The following HNRNPA2B1 variants were observed in gnomAD, a reference collection of about 807,000 sequenced individuals.
The protein encoded by HNRNPA2B1 is heterogeneous nuclear ribonucleoprotein A2/B1.
A neutral mutation model predicts 46.3 loss-of-function variants in HNRNPA2B1; 3 were observed. The ratio of observed to expected loss-of-function variants is 0.06; its 90% CI spans 0.03 to 0.17. The LOEUF (loss-of-function observed/expected upper bound fraction) is 0.17, where lower values mean the gene tolerates loss of function less well. Ranked by LOEUF, HNRNPA2B1 falls within the 10% of genes least tolerant of loss-of-function variation. The probability of loss-of-function intolerance (pLI) is 1.00; values close to 1 mark genes in which losing one functional copy is unlikely to be tolerated. For missense variants in HNRNPA2B1, 221 were observed against 418.9 expected (o/e 0.53, Z 4.12); for synonymous variants, 225 against 133.8 (o/e 1.68, Z -4.70).
intron 9 of HNRNPA2B1, among the ~76,000 whole-genome samples, chr7:26,192,822 T>G (rs778813900): frequency 3.3e-5 from 5 of 152,192 alleles, no homozygotes; most frequent in Non-Finnish European, 7.3e-5. Flanking sequence ...TCATTTGGAC[T>G]GAGTAAGGGA....
intron 8 of HNRNPA2B1, 22 bp from the exon 9 acceptor site, chr7:26,193,395 C>T (rs1292227665): frequency 6.2e-7 from 1 of 1,604,716 alleles, no homozygotes; most frequent in Non-Finnish European, 8.5e-7. Flanking sequence ...TTGGAATACT[C>T]AGAACAATAC....
rs371831513 is a variant in HNRNPA2B1, at chr7:26,195,922, A to G, written c.659-13T>C. Reference sequence around the variant, plus strand: ...CTGCCATATCCATCTGTTAGGGGCCAAAAAAAGATTACGTTTACTATAAAC... The same window carrying G: ...CTGCCATATCCATCTGTTAGGGGCCGAAAAAAGATTACGTTTACTATAAAC... On this transcript the variant is annotated splice_polypyrimidine_tract_variant and intron_variant, in intron 6 of 10. Coordinates refer to ENST00000618183, the MANE Select transcript of HNRNPA2B1 (RefSeq NM_002137.4). 4 of 1,593,450 alleles carry G rather than the reference A, an allele frequency of 2.5e-6. No homozygotes were observed. Among genetic ancestry groups the G allele is most frequent in the South Asian group, 2.3e-5 (2 of 87,532 alleles).
At position 26,190,221 on chromosome 7, in the gene HNRNPA2B1, ATC is replaced by A. The variant is rs1427658098; in HGVS notation, c.*2137_*2138del. On this transcript the variant is annotated 3_prime_UTR_variant, in exon 11 of 11. Transcript: ENST00000618183. ...ACCTAATTTAAAACATGATACATTT[ATC>A]TCTCTAGCCAATTTGATGTTACTGT... is the stretch of plus-strand genomic sequence containing the variant. 1 of 152,636 alleles carries A rather than the reference ATC, an allele frequency of 6.6e-6. No homozygotes were observed. 9.5% of individuals were successfully genotyped at this position (152,636 alleles called of 1,614,324 possible). A position where few individuals can be genotyped will look rare whatever the true frequency, so the allele number is the denominator to read the frequency against.
chr7:26,198,133 C>T, intron 1 of HNRNPA2B1: 1 of 322,388 alleles, frequency 3.1e-6, no homozygotes, highest in Non-Finnish European at 5.5e-6. Context: ...CCTAAAAACG[C>T]AAATTTCTAT....
chr7:26,193,163 CTA>C, intron 9 of HNRNPA2B1, 86 bp downstream of exon 9: 3 of 1,324,268 alleles, frequency 2.3e-6, no homozygotes, highest in Non-Finnish European at 3.2e-6. Context: ...ACAGTACAAA[CTA>C]CTTAGTATGT....
intron 2 of HNRNPA2B1, 72 bp from the exon 3 acceptor site, chr7:26,197,533 T>C (rs1301112861): frequency 1.9e-6 from 3 of 1,572,130 alleles, no homozygotes; most frequent in South Asian, 2.2e-5. Flanking sequence ...AATAGAATTT[T>C]TTACTATGCT....
rs1454741686 is a variant in HNRNPA2B1, at chr7:26,197,374, C to A, written c.205G>T (p.Ala69Ser). Residue 69 changes from alanine to serine, a missense_variant, in exon 3 of 11, where the codon GCA becomes TCA. Ala to Ser is a moderately conservative substitution (Grantham distance 99). Around this residue, in one of 2 missense-constraint regions of HNRNPA2B1, gnomAD observed 78 missense variants for 218.5 expected, o/e 0.36. Coordinates refer to ENST00000618183, the MANE Select transcript of HNRNPA2B1 (RefSeq NM_002137.4). ...SMAEVDAAMA[A>S]RPHSIDGRVV... ...CTCCCATCAATTGAATGAGGTCTTG[C>A]AGCCATGGCAGCATCAACCTCAGCC... The A allele has an allele frequency of 6.2e-7, 1 of 1,614,032 alleles. No individual in the cohort carries two copies. Among genetic ancestry groups the A allele is most frequent in the Non-Finnish European group, 8.5e-7 (1 of 1,179,936 alleles).
At chr7:26,200,078 C>T (rs1784213378) in intron 1 of HNRNPA2B1, 1 of 172,268 alleles carries the variant, frequency 5.8e-6, no homozygotes, top group Non-Finnish European at 1.3e-5. Flanking sequence ...AGAGAAAGCA[C>T]ACTAAGAAAA....
chr7:26,197,519 T>A (rs1485065286), intron 2 of HNRNPA2B1, 58 bp from the exon 3 acceptor site: 1 of 1,588,080 alleles, frequency 6.3e-7, no homozygotes, highest in African/African-American at 1.4e-5. Context: ...ATAAGTGAAG[T>A]CATAATAGAA....
In HNRNPA2B1 at chr7:26,197,474, AG is replaced by A; in HGVS notation, c.118-14del. 6.2e-7 allele frequency: 1 copy of A among 1,611,948 alleles called. No homozygotes were observed. The highest frequency in any genetic ancestry group is 2.2e-5 in the East Asian group (1 of 44,872). ...GATCCCTCATTACCTTTCAAACCAA[AG>A]GGTAAACTTTAGCATTTAATCTCAT... On this transcript the variant is annotated splice_polypyrimidine_tract_variant and intron_variant, in intron 2 of 10. Coordinates refer to ENST00000618183, the MANE Select transcript of HNRNPA2B1 (RefSeq NM_002137.4).
chr7:26,192,653 C>T (rs1783031892), intron 9 of HNRNPA2B1, 76 bp from the exon 10 acceptor site: 2 of 1,167,730 alleles, frequency 1.7e-6, no homozygotes, highest in East Asian at 4.7e-5. Context: ...ACAGTTGATT[C>T]TATTTTATAT....
chr7:26,199,299 G>C (rs1784065411), intron 1 of HNRNPA2B1: 2 of 152,632 alleles, frequency 1.3e-5, no homozygotes, highest in African/African-American at 2.4e-5. Context: ...CTTCGCTTGA[G>C]ACCTTATGCT....
At chr7:26,199,574 C>G (rs1424892842) in intron 1 of HNRNPA2B1, 2 of 152,170 alleles carry the variant, frequency 1.3e-5, no homozygotes, top group Non-Finnish European at 2.9e-5. Context: ...TGAGTCAGCT[C>G]TACAACTTAA....
At chr7:26,194,958 G>T (rs1223849531) in intron 7 of HNRNPA2B1, among the ~76,000 whole-genome samples, 1 of 151,642 alleles carries the variant, frequency 6.6e-6, no homozygotes, top group East Asian at 1.9e-4. Context: ...GCTGGGCGTG[G>T]TGGTGCACGC....
Position 26,190,204 on chromosome 7 carries a change from T to G in HNRNPA2B1, c.*2156A>C, listed in dbSNP as rs1400536081. ...ATCTGTCTACTCACAAAACCTAATTTAAAACATGATACATTTATCTCTCTA... is the reference window on the plus strand; with the variant it reads ...ATCTGTCTACTCACAAAACCTAATTGAAAACATGATACATTTATCTCTCTA... On this transcript the variant is annotated 3_prime_UTR_variant, in exon 11 of 11. Coordinates refer to ENST00000618183, the MANE Select transcript of HNRNPA2B1 (RefSeq NM_002137.4). 1 of 152,640 alleles carries G rather than the reference T, an allele frequency of 6.6e-6. No individual in the cohort carries two copies. Among genetic ancestry groups the G allele is most frequent in the East Asian group, 1.9e-4 (1 of 5,202 alleles). 9.5% of individuals were successfully genotyped at this position (152,640 alleles called of 1,614,324 possible). A position where few individuals can be genotyped will look rare whatever the true frequency, so the allele number is the denominator to read the frequency against.
At chr7:26,197,098 C>G in intron 3 of HNRNPA2B1, 81 bp from the exon 4 acceptor site, 1 of 1,207,860 alleles carries the variant, frequency 8.3e-7, no homozygotes, top group Non-Finnish European at 1.2e-6. Context: ...TAGTACCATA[C>G]TTCGCTTGTA....
chr7:26,195,121 T>TTA (rs1554332563), intron 7 of HNRNPA2B1, among the ~76,000 whole-genome samples: 19 of 118,748 alleles, frequency 1.6e-4, no homozygotes, highest in African/African-American at 5.6e-4. Flanking sequence ...GAAACCATAT[T>TTA]AAAAAAAAAA....
At chr7:26,199,067 A>C (rs1214058273) in intron 1 of HNRNPA2B1, 3 of 152,368 alleles carry the variant, frequency 2.0e-5, no homozygotes, top group Middle Eastern at 3.4e-3. Context: ...TCATTTTTTC[A>C]GCTAGTTTTT....
At chr7:26,199,014 C>T (rs777654402) in intron 1 of HNRNPA2B1, 1 of 152,090 alleles carries the variant, frequency 6.6e-6, no homozygotes, top group Admixed American at 6.5e-5. Context: ...CTATGAGACA[C>T]AAAGCAGTCT....
Sources: allele counts gnomAD v4.1 joint callset (sites outside exome capture counted in the v4.1 genomes callset), GRCh38; gene constraint gnomAD v4.1.1; regional missense constraint gnomAD v4.1.1; transcripts MANE v1.5; gene names NCBI Gene and HGNC (gene_info 2026-07-23, HGNC 2026-07-21).